The following EFCAB7 variants were observed in gnomAD, a reference collection of about 807,000 sequenced individuals.
EFCAB7 encodes the protein EF-hand calcium binding domain 7.
In EFCAB7, 66 loss-of-function variants were observed where a neutral mutation model predicts 77.1. That is an observed-to-expected ratio of 0.86 (90% CI 0.70 to 1.05). The LOEUF is 1.05. EFCAB7 is among the 50% of genes least tolerant of loss of function. EFCAB7 has a pLI of 0.00. For synonymous variants in EFCAB7, 225 were observed against 243.3 expected, an observed-to-expected ratio of 0.92 and a Z score of 0.70; for missense variants, 638 against 730.5, an observed-to-expected ratio of 0.87 and a Z score of 1.46.
chr1:63,545,671 G>A (rs1189129773), intron 6 of EFCAB7, among the ~76,000 whole-genome samples: 1 of 152,032 alleles, frequency 6.6e-6, no homozygotes, highest in African/African-American at 2.4e-5. Flanking sequence ...TCTCCATGTT[G>A]GTCAGATGAT....
At chr1:63,571,376 T>G (rs1647252339) in intron 13 of EFCAB7, among the ~76,000 whole-genome samples, 1 of 152,078 alleles carries the variant, frequency 6.6e-6, no homozygotes, top group Non-Finnish European at 1.5e-5. Flanking sequence ...AATGTAAAAT[T>G]AAGATAATAT....
chr1:63,580,234 T>C, the EFCAB7 span, among the ~76,000 whole-genome samples: 4,872 of 152,312 alleles, frequency 0.032, 278 homozygotes, highest in African/African-American at 0.11. Context: ...TTTGAGTTAA[T>C]TTTTGTATGA....
chr1:63,538,071 G>A (rs914166390), intron 6 of EFCAB7, among the ~76,000 whole-genome samples: 3 of 152,072 alleles, frequency 2.0e-5, no homozygotes, highest in African/African-American at 4.8e-5. Context: ...AGTAAAATTT[G>A]TATATGACAA....
At chr1:63,553,920 G>GA (rs1646996512) in intron 8 of EFCAB7, among the ~76,000 whole-genome samples, 1 of 152,106 alleles carries the variant, frequency 6.6e-6, no homozygotes. Context: ...CTGTAACCTT[G>GA]AACTCCTGGG....
chr1:63,559,356 A>G (rs1647067848), intron 10 of EFCAB7, among the ~76,000 whole-genome samples: 1 of 150,668 alleles, frequency 6.6e-6, no homozygotes, highest in Non-Finnish European at 1.5e-5. Flanking sequence ...CTCCTCACCC[A>G]CAAGTTTTCC....
chr1:63,532,037 A>T lies in EFCAB7; in HGVS notation c.399+6A>T, dbSNP rs765986088. 13 of 1,601,074 alleles carry T rather than the reference A, an allele frequency of 8.1e-6. No individual in the cohort carries two copies. Among genetic ancestry groups the T allele is most frequent in the East Asian group, 2.2e-5 (1 of 44,694 alleles). On this transcript the variant is annotated splice_donor_region_variant and intron_variant, in intron 3 of 13. Coordinates refer to ENST00000371088, the MANE Select transcript of EFCAB7 (RefSeq NM_032437.4). ...TTTATAAATTTCTAACAAAGGTAAG[A>T]TCTGTAAAACTGTTTTGTAATGTGC...
chr1:63,575,983 C>A (rs780945029), downstream of EFCAB7, among the ~76,000 whole-genome samples: 2 of 152,140 alleles, frequency 1.3e-5, no homozygotes, highest in Non-Finnish European at 2.9e-5. Context: ...AGTTTAAGAG[C>A]ATTCAAAGTT....
chr1:63,568,223 A>T, intron 11 of EFCAB7, 87 bp from the exon 12 acceptor site: 1 of 1,143,014 alleles, frequency 8.7e-7, no homozygotes, highest in Non-Finnish European at 1.2e-6. Flanking sequence ...GCTAGAAGGT[A>T]TAGCATATCT....
intron 8 of EFCAB7, 28 bp downstream of exon 8, chr1:63,551,862 A>G: frequency 7.1e-7 from 1 of 1,413,122 alleles, no homozygotes; most frequent in Non-Finnish European, 9.6e-7. Flanking sequence ...CTAATGTTTA[A>G]TTTTTAAATA....
the EFCAB7 span, among the ~76,000 whole-genome samples, chr1:63,580,032 T>C: frequency 6.6e-6 from 1 of 152,220 alleles, no homozygotes. Context: ...TTTTGTTCTC[T>C]TAACTGGATC....
At chr1:63,545,678 T>C (rs189152551) in intron 6 of EFCAB7, among the ~76,000 whole-genome samples, 155 of 152,230 alleles carry the variant, frequency 1.0e-3, no homozygotes, top group African/African-American at 3.3e-3. Flanking sequence ...GTTGGTCAGA[T>C]GATCCGCCCA....
downstream of EFCAB7, among the ~76,000 whole-genome samples, chr1:63,576,887 T>C (rs189162218): frequency 2.0e-3 from 306 of 150,468 alleles, no homozygotes; most frequent in Middle Eastern, 3.6e-3. Flanking sequence ...CTGTGTCTCA[T>C]GCCTGTAATC....
chr1:63,531,938 T>A lies in EFCAB7; in HGVS notation c.306T>A (p.Thr102=). Residue 102 remains threonine (T), a synonymous_variant, in exon 3 of 14, where the codon ACT becomes ACA. Coordinates refer to ENST00000371088, the MANE Select transcript of EFCAB7 (RefSeq NM_032437.4). ...FCIILRKEKP[T]SKAELLKSFK... is the part of the protein sequence containing the mutation. ...TAATTTTAAGGAAGGAAAAACCTAC[T>A]TCAAAAGCAGAACTACTAAAATCAT... 6.2e-7 allele frequency: 1 copy of A among 1,613,136 alleles called. No homozygotes were observed. The highest frequency in any genetic ancestry group is 8.5e-7 in the Non-Finnish European group (1 of 1,179,390).
At chr1:63,546,180 G>GT (rs1646896381) in intron 7 of EFCAB7, 123 bp downstream of exon 7, 1 of 1,074,764 alleles carries the variant, frequency 9.3e-7, no homozygotes, top group Non-Finnish European at 1.3e-6. Flanking sequence ...AGAATTTATG[G>GT]TTACATTTCA....
At chr1:63,533,419 A>G in intron 4 of EFCAB7, 35 bp from the exon 5 acceptor site, 1 of 1,534,372 alleles carries the variant, frequency 6.5e-7, no homozygotes, top group Non-Finnish European at 8.9e-7. Context: ...TGTATGATTG[A>G]ATGTTTTACC....
intron 7 of EFCAB7, chr1:63,547,146 C>T (rs760332900): frequency 1.2e-4 from 19 of 152,098 alleles, no homozygotes; most frequent in Non-Finnish European, 2.4e-4. Flanking sequence ...TTTTAAATGA[C>T]AATAACAATA....
chr1:63,572,151 A>C (rs1461664246), intron 13 of EFCAB7, among the ~76,000 whole-genome samples: 1 of 152,192 alleles, frequency 6.6e-6, no homozygotes, highest in Non-Finnish European at 1.5e-5. Flanking sequence ...ATTTTAGAAA[A>C]CGCTCTAGGT....
At chr1:63,551,898 G>C (rs1445914767) in intron 8 of EFCAB7, 64 bp downstream of exon 8, 1 of 975,228 alleles carries the variant, frequency 1.0e-6, no homozygotes, top group Non-Finnish European at 1.4e-6. Flanking sequence ...TTTGGGGAAA[G>C]TATGTTTCTG....
At position 63,571,051 on chromosome 1, in the gene EFCAB7, A is replaced by C. The variant is rs1057082252; in HGVS notation, c.1738A>C (p.Asn580His). ...TGAGAAAGTGATTATTCACATCAGC[A>C]ATGAGCTAAGTAAAAACTGCATAAA... Reference protein sequence around the residue: ...SDEKVIIHISNELSKNCINNR... With the variant: ...SDEKVIIHISHELSKNCINNR... The change falls in exon 13 of 14, where the codon AAT (asparagine) becomes CAT (histidine). Residue 580 changes from asparagine to histidine, a missense_variant. Asn to His is a moderately conservative substitution (Grantham distance 68). Transcript: ENST00000371088. 1 of 1,612,186 alleles carries C rather than the reference A, an allele frequency of 6.2e-7. No individual in the cohort carries two copies. The highest frequency in any genetic ancestry group is 1.3e-5 in the African/African-American group (1 of 74,882).
Sources: allele counts gnomAD v4.1 joint callset (sites outside exome capture counted in the v4.1 genomes callset), GRCh38; gene constraint gnomAD v4.1.1; transcripts MANE v1.5; gene names NCBI Gene and HGNC (gene_info 2026-07-23, HGNC 2026-07-21).